Variants in PNPLA2 observed in about 807,000 individuals in gnomAD.
The protein encoded by PNPLA2 is patatin like domain 2, triacylglycerol lipase, also known as patatin-like phospholipase domain-containing protein 2.
Under a neutral mutation model 39.7 loss-of-function variants are expected in PNPLA2, and 28 were observed. The ratio of observed to expected loss-of-function variants is 0.70; its 90% CI spans 0.52 to 0.97. The LOEUF is 0.97. Ranked by LOEUF, PNPLA2 falls within the 50% of genes least tolerant of loss-of-function variation. The pLI, the probability that PNPLA2 is intolerant of heterozygous loss-of-function variation, is 0.00. For missense variants in PNPLA2, 768 were observed against 698.2 expected (o/e 1.10, Z -1.13); for synonymous variants, 392 against 321.1 (o/e 1.22, Z -2.36).
chr11:823,631 G>GCTAC, intron 6 of PNPLA2, 44 bp downstream of exon 6: 1 of 1,601,906 alleles, frequency 6.2e-7, no homozygotes, highest in Non-Finnish European at 8.5e-7. Flanking sequence ...GCTCGGCTCT[G>GCTAC]CTACCCCCTG....
chr11:824,510 C>A lies in PNPLA2; in HGVS notation c.1176-13C>A. 3 of 1,545,948 alleles carry A rather than the reference C, an allele frequency of 1.9e-6. No individual in the cohort carries two copies. Among genetic ancestry groups the A allele is most frequent in the Non-Finnish European group, 2.6e-6 (3 of 1,147,604 alleles). On this transcript the variant is annotated splice_polypyrimidine_tract_variant and intron_variant, in intron 9 of 9. Transcript: ENST00000336615. ...GGAGCTGAAGCCCTCCCTGCCGCAT[C>A]CCTGCCCCGCAGGCTGCCGGAGCAG... is the stretch of plus-strand genomic sequence containing the variant.
At position 819,589 on chromosome 11, in the gene PNPLA2, C is replaced by A; in HGVS notation, c.-130C>A. On this transcript the variant is annotated 5_prime_UTR_variant, in exon 2 of 10. Coordinates refer to ENST00000336615, the MANE Select transcript of PNPLA2 (RefSeq NM_020376.4). ...GCCCGCGTAGCTTCTTCGCCTCCGC[C>A]AGCGGGGACCCCGAGCTAGAGCCGC... 7.8e-7 allele frequency: 1 copy of A among 1,275,390 alleles called. No homozygotes were observed. The highest frequency in any genetic ancestry group is 1.0e-6 in the Non-Finnish European group (1 of 999,708). 79.0% of individuals were successfully genotyped at this position (1,275,390 alleles called of 1,614,324 possible).
Position 824,066 on chromosome 11 carries a change from C to T in PNPLA2, c.988C>T (p.Leu330=). 1 of 1,609,082 alleles carries T rather than the reference C, an allele frequency of 6.2e-7. No individual in the cohort carries two copies. The highest frequency in any genetic ancestry group is 8.5e-7 in the Non-Finnish European group (1 of 1,178,756). The change falls in exon 8 of 10, where the codon CTG becomes TTG. Residue 330 remains leucine, a synonymous_variant. Transcript: ENST00000336615. ...CCTCTCCAACATGCTGCCTGTGCGT[C>T]TGGCCACGGCCATGATGGTGCCCTA... is the stretch of plus-strand genomic sequence containing the variant. The part of the protein sequence containing the change: ...TTLSNMLPVR[L]ATAMMVPYTL...
In PNPLA2 at chr11:819,662, G is replaced by T; in HGVS notation, c.-57G>T. 7.0e-7 allele frequency: 1 copy of T among 1,424,520 alleles called. No homozygotes were observed. 88.2% of individuals were successfully genotyped at this position (1,424,520 alleles called of 1,614,324 possible). On this transcript the variant is annotated 5_prime_UTR_variant, in exon 2 of 10. Transcript: ENST00000336615. ...GCTCCAGCGAGCGAGCGGCGAGCAGGCGGCTCACAGAGGCCTGGCCGCCCA... is the reference window on the plus strand; with the variant it reads ...GCTCCAGCGAGCGAGCGGCGAGCAGTCGGCTCACAGAGGCCTGGCCGCCCA...
At chr11:823,622 C>G (rs1430149177) in intron 6 of PNPLA2, 35 bp downstream of exon 6, 1 of 1,603,048 alleles carries the variant, frequency 6.2e-7, no homozygotes, top group South Asian at 1.1e-5. Context: ...GCGGGGTGGG[C>G]TCGGCTCTGC....
At chr11:822,248 C>A in intron 4 of PNPLA2, 149 bp from the exon 5 acceptor site, 1 of 816,562 alleles carries the variant, frequency 1.2e-6, no homozygotes, top group Non-Finnish European at 2.1e-6. Flanking sequence ...AGTGCCCAGG[C>A]TGGCCCACAG....
At chr11:821,124 C>T (rs773103573) in intron 2 of PNPLA2, 2 of 206,370 alleles carry the variant, frequency 9.7e-6, no homozygotes, top group Middle Eastern at 1.9e-3. Flanking sequence ...AGCACTCCTG[C>T]GCCCCAAGAG....
At position 819,840 on chromosome 11, in the gene PNPLA2, C is replaced by G. The variant is rs1565085242; in HGVS notation, c.122C>G (p.Thr41Arg). ...GCGCCCTTCCTGGTGGCCAACGCCA[C>G]GCACATCTACGGCGCCTCGGCCGGG... ...EHAPFLVANA[T>R]HIYGASAGAL... The change falls in exon 2 of 10, where the codon ACG becomes AGG. Residue 41 changes from threonine (T) to arginine (R), a missense_variant. Thr to Arg is a moderately conservative substitution (Grantham distance 71). Transcript: ENST00000336615. 1 of 1,483,714 alleles carries G rather than the reference C, an allele frequency of 6.7e-7. No homozygotes were observed. Among genetic ancestry groups the G allele is most frequent in the Non-Finnish European group, 8.9e-7 (1 of 1,118,208 alleles). 91.9% of individuals were successfully genotyped at this position (1,483,714 alleles called of 1,614,324 possible).
intron 7 of PNPLA2, 25 bp downstream of exon 7, chr11:823,880 G>A (rs776218551): frequency 6.4e-7 from 1 of 1,564,992 alleles, no homozygotes; most frequent in Non-Finnish European, 8.6e-7. Context: ...GACGGGAGGG[G>A]AGGAGGGGAG....
At position 824,145 on chromosome 11, in the gene PNPLA2, G is replaced by C. The variant is rs1331098635; in HGVS notation, c.1052+15G>C. 2.5e-6 allele frequency: 4 copies of C among 1,586,866 alleles called. No homozygotes were observed. Among genetic ancestry groups the C allele is most frequent in the Non-Finnish European group, 2.6e-6 (3 of 1,167,876 alleles). ...TTCACCATCCGGTGTGAGGGCTGGG[G>C]GGTCGGGAGAGGGGCCCAGGGGACG... On this transcript the variant is annotated intron_variant, in intron 8 of 9. Transcript: ENST00000336615.
At position 823,593 on chromosome 11, in the gene PNPLA2, C is replaced by T. The variant is rs751221114; in HGVS notation, c.757+6C>T. On this transcript the variant is annotated splice_donor_region_variant and intron_variant, in intron 6 of 9. Transcript: ENST00000336615. ...GCGCTTTCTGCAGCGGAACGGTGCG[C>T]GGACCCGGGCGGGAGAGGGCGGGGT... is the stretch of plus-strand genomic sequence containing the variant. The T allele has an allele frequency of 2.5e-6, 4 of 1,579,988 alleles. No individual in the cohort carries two copies. The highest frequency in any genetic ancestry group is 1.7e-4 in the Middle Eastern group (1 of 5,992).
chr11:823,854 G>A lies in PNPLA2; in HGVS notation c.918G>A (p.Glu306=), dbSNP rs201065998. The change falls in exon 7 of 10, where the codon GAG becomes GAA. Residue 306 remains glutamate, a splice_region_variant and synonymous_variant. Coordinates refer to ENST00000336615, the MANE Select transcript of PNPLA2 (RefSeq NM_020376.4). ...AGCACCTGCCCGCCCGGCTCAATGA[G>A]GGTGCGCACCTGGGGGACGGGAGGG... ...ILEHLPARLN[E]ALLEACVEPT... 287 of 1,584,460 alleles carry A rather than the reference G, an allele frequency of 1.8e-4. 1 individual carries two copies. In the African/African-American group the frequency reaches 3.5e-3, roughly 19 times the overall value.
chr11:819,834 A>G lies in PNPLA2; in HGVS notation c.116A>G (p.Asn39Ser), dbSNP rs1289283618. Reference sequence around the variant, plus strand: ...GAGCACGCGCCCTTCCTGGTGGCCAACGCCACGCACATCTACGGCGCCTCG... The same window carrying G: ...GAGCACGCGCCCTTCCTGGTGGCCAGCGCCACGCACATCTACGGCGCCTCG... ...LREHAPFLVA[N>S]ATHIYGASAG... The change falls in exon 2 of 10, where the codon AAC becomes AGC. Residue 39 changes from asparagine (N) to serine (S), a missense_variant. Asn to Ser is a conservative substitution (Grantham distance 46). Transcript: ENST00000336615. 1 of 1,487,788 alleles carries G rather than the reference A, an allele frequency of 6.7e-7. No individual in the cohort carries two copies. The highest frequency in any genetic ancestry group is 2.3e-5 in the Admixed American group (1 of 44,064). 92.2% of individuals were successfully genotyped at this position (1,487,788 alleles called of 1,614,324 possible).
chr11:824,078 A>G lies in PNPLA2; in HGVS notation c.1000A>G (p.Met334Val). ...GCTGCCTGTGCGTCTGGCCACGGCC[A>G]TGATGGTGCCCTACACGCTGCCGCT... is the stretch of plus-strand genomic sequence containing the variant. ...NMLPVRLATA[M>V]MVPYTLPLES... is the part of the protein sequence containing the mutation. The change falls in exon 8 of 10, where the codon ATG (methionine) becomes GTG (valine). Residue 334 changes from methionine to valine, a missense_variant. Physicochemically the swap from Met to Val is conservative, Grantham distance 21. Coordinates refer to ENST00000336615, the MANE Select transcript of PNPLA2 (RefSeq NM_020376.4). 2.5e-6 allele frequency: 4 copies of G among 1,608,012 alleles called. No homozygotes were observed. The highest frequency in any genetic ancestry group is 3.4e-6 in the Non-Finnish European group (4 of 1,178,314).
intron 4 of PNPLA2, 122 bp from the exon 5 acceptor site, chr11:822,274 TA>T (rs1315897599): frequency 5.2e-5 from 49 of 938,462 alleles, no homozygotes; most frequent in Non-Finnish European, 6.3e-5. Context: ...GCCCAGTGGG[TA>T]AAACGCTCAA....
In PNPLA2 at chr11:824,298, C is replaced by G. The variant is rs754657671; in HGVS notation, c.1053-16C>G. On this transcript the variant is annotated splice_polypyrimidine_tract_variant and intron_variant, in intron 8 of 9. Coordinates refer to ENST00000336615, the MANE Select transcript of PNPLA2 (RefSeq NM_020376.4). ...TCTGGCCAAGTCCCTGAACGCGCCG[C>G]TCGCCCTGTCCCCAGCTTGCTGGAG... The G allele has an allele frequency of 1.0e-5, 16 of 1,550,266 alleles. No homozygotes were observed. The East Asian group carries it at 3.9e-4, about 38-fold the overall frequency.
At position 821,634 on chromosome 11, in the gene PNPLA2, C is replaced by T. The variant is rs963468170; in HGVS notation, c.194C>T (p.Ala65Val). The T allele has an allele frequency of 2.5e-6, 4 of 1,613,096 alleles. No homozygotes were observed. In the East Asian group the frequency reaches 6.7e-5, roughly 27 times the overall value. Reference sequence around the variant, plus strand: ...CCTTGGCCCTGTGCCCCAGGTGAGGCTGGTGCCAAGTTCATTGAGGTATCT... The same window carrying T: ...CCTTGGCCCTGTGCCCCAGGTGAGGTTGGTGCCAAGTTCATTGAGGTATCT... ...ALVTGVCLGE[A>V]GAKFIEVSKE... The change falls in exon 3 of 10, where the codon GCT (alanine) becomes GTT (valine). Residue 65 changes from alanine (A) to valine (V), a missense_variant. By Grantham distance (64) the Ala-to-Val change is moderately conservative. Coordinates refer to ENST00000336615, the MANE Select transcript of PNPLA2 (RefSeq NM_020376.4).
chr11:820,461 C>T (rs1845632183), intron 2 of PNPLA2, among the ~76,000 whole-genome samples: 1 of 152,176 alleles, frequency 6.6e-6, no homozygotes, highest in South Asian at 2.1e-4. Context: ...TGCCCTGTGG[C>T]CTGGCTCCCC....
At chr11:819,515 GCCCCGC>G in intron 1 of PNPLA2, 53 bp from the exon 2 acceptor site, 1 of 1,257,366 alleles carries the variant, frequency 8.0e-7, no homozygotes, top group East Asian at 3.4e-5. Flanking sequence ...TCGTGTGCCG[GCCCCGC>G]CCCCGCCGTG....
Sources: gnomAD v4.1 joint callset for allele counts (sites outside exome capture counted in the v4.1 genomes callset) on GRCh38, gnomAD v4.1.1 for gene constraint, MANE v1.5 for transcripts, NCBI Gene and HGNC (gene_info 2026-07-23, HGNC 2026-07-21) for gene names.